The following SPRED2 variants were observed in gnomAD, a reference collection of about 807,000 sequenced individuals.
The protein encoded by SPRED2 is sprouty-related, EVH1 domain-containing protein 2.
Under a neutral mutation model 43.0 loss-of-function variants are expected in SPRED2, and 47 were observed. The ratio of observed to expected loss-of-function variants is 1.09; its 90% CI spans 0.87 to 1.40. The LOEUF (loss-of-function observed/expected upper bound fraction) is 1.40, where lower values mean the gene tolerates loss of function less well. Among genes scored for constraint, SPRED2 ranks in the 40% most tolerant of loss-of-function variants. The pLI is 0.00. For synonymous variants in SPRED2, 225 were observed against 225.7 expected (o/e 1.00, Z 0.03); for missense variants, 561 against 586.4 (o/e 0.96, Z 0.45).
intron 4 of SPRED2, 95 bp downstream of exon 4, chr2:65,331,892 C>T (rs769612237): frequency 1.8e-5 from 16 of 905,746 alleles, no homozygotes; most frequent in African/African-American, 1.0e-4. Flanking sequence ...CAACAGCAAA[C>T]ACTGCATTGC....
At chr2:65,334,846 T>C (rs1673917668) in intron 2 of SPRED2, 73 bp from the exon 3 acceptor site, 7 of 1,529,488 alleles carry the variant, frequency 4.6e-6, no homozygotes, top group African/African-American at 1.4e-5. Flanking sequence ...GAAGTCTAAT[T>C]AGGAACCATC....
intron 1 of SPRED2, among the ~76,000 whole-genome samples, chr2:65,407,698 G>A (rs1013095069): frequency 1.1e-4 from 17 of 152,114 alleles, no homozygotes; most frequent in Non-Finnish European, 2.2e-4. Context: ...CCTTTCACCC[G>A]TGGAGACGCG....
chr2:65,311,835 G>A lies in SPRED2; in HGVS notation c.*1666C>T, dbSNP rs545822332. ...GAGCTGGAAACAGCCCCATGAAGGT[G>A]AGCACAGCTAGCACTTTCCCAATAT... On this transcript the variant is annotated 3_prime_UTR_variant, in exon 6 of 6. Transcript: ENST00000356388. 6 of 985,478 alleles carry A rather than the reference G, an allele frequency of 6.1e-6. No homozygotes were observed. The East Asian group carries it at 3.4e-4, about 56-fold the overall frequency. 61.0% of individuals were successfully genotyped at this position (985,478 alleles called of 1,614,324 possible).
At chr2:65,403,390 C>T (rs10198510) in intron 1 of SPRED2, among the ~76,000 whole-genome samples, 13,300 of 152,182 alleles carry the variant, frequency 0.087, 1,070 homozygotes, top group African/African-American at 0.2. Context: ...CCTCCTGCCT[C>T]GGCCTCCTGA....
intron 2 of SPRED2, among the ~76,000 whole-genome samples, chr2:65,336,632 G>T (rs1175352404): frequency 6.6e-6 from 1 of 152,076 alleles, no homozygotes; most frequent in African/African-American, 2.4e-5. Context: ...AAATAATCAA[G>T]AATTTAACAA....
chr2:65,365,659 C>T (rs1319677339), intron 1 of SPRED2, among the ~76,000 whole-genome samples: 1 of 152,170 alleles, frequency 6.6e-6, no homozygotes. Flanking sequence ...CCATTCTGGA[C>T]AGACAGACCA....
chr2:65,340,187 A>C (rs974442749), intron 2 of SPRED2, among the ~76,000 whole-genome samples: 5 of 152,198 alleles, frequency 3.3e-5, no homozygotes, highest in African/African-American at 4.8e-5. Context: ...GCAAGTTATA[A>C]ATAGCTGTAA....
chr2:65,391,014 G>T (rs1675622795), intron 1 of SPRED2, among the ~76,000 whole-genome samples: 1 of 151,536 alleles, frequency 6.6e-6, no homozygotes, highest in African/African-American at 2.4e-5. Context: ...CTTGAGCCTG[G>T]GAGGCAGAGG....
chr2:65,321,224 A>ATTACCAT (rs1251525924), intron 4 of SPRED2, among the ~76,000 whole-genome samples: 1 of 152,162 alleles, frequency 6.6e-6, no homozygotes, highest in Admixed American at 6.5e-5. Context: ...TGCTGTGGAC[A>ATTACCAT]CTGAGGCTGG....
intron 1 of SPRED2, among the ~76,000 whole-genome samples, chr2:65,368,248 G>T (rs1313530545): frequency 1.3e-5 from 2 of 152,154 alleles, no homozygotes; most frequent in Admixed American, 6.5e-5. Flanking sequence ...GCTCCAAATG[G>T]TTGGGACAGT....
intron 1 of SPRED2, among the ~76,000 whole-genome samples, chr2:65,381,622 TCAGTA>T (rs1312610631): frequency 5.3e-5 from 8 of 152,324 alleles, no homozygotes; most frequent in African/African-American, 1.7e-4. Context: ...CAGCAAAGGT[TCAGTA>T]CATGACAGAC....
intron 1 of SPRED2, among the ~76,000 whole-genome samples, chr2:65,400,342 T>G (rs1675856044): frequency 6.6e-6 from 1 of 152,242 alleles, no homozygotes; most frequent in Non-Finnish European, 1.5e-5. Flanking sequence ...CCCTGTTTAC[T>G]TTTGCTTAGT....
intron 1 of SPRED2, among the ~76,000 whole-genome samples, chr2:65,395,438 C>T (rs566788033): frequency 6.6e-6 from 1 of 152,282 alleles, no homozygotes; most frequent in Admixed American, 6.5e-5. Flanking sequence ...TCTGCCCCAA[C>T]TGAACCCCAC....
chr2:65,363,747 T>C (rs1326829937), intron 1 of SPRED2, among the ~76,000 whole-genome samples: 3 of 152,200 alleles, frequency 2.0e-5, no homozygotes, highest in African/African-American at 7.2e-5. Context: ...CAGGTCTCCC[T>C]CCAAATACAA....
At chr2:65,414,876 A>G (rs1214071080) in intron 1 of SPRED2, among the ~76,000 whole-genome samples, 2 of 152,126 alleles carry the variant, frequency 1.3e-5, no homozygotes, top group African/African-American at 4.8e-5. Context: ...TAAGGATGTA[A>G]AAGCCAGATA....
At chr2:65,366,937 C>A in intron 1 of SPRED2, 1 of 226,704 alleles carries the variant, frequency 4.4e-6, no homozygotes, top group Non-Finnish European at 7.3e-6. Context: ...TTATGATTAC[C>A]AATCATTGAT....
At chr2:65,401,320 C>T (rs1572894775) in intron 1 of SPRED2, among the ~76,000 whole-genome samples, 1 of 152,196 alleles carries the variant, frequency 6.6e-6, no homozygotes, top group East Asian at 1.9e-4. Context: ...GAGATATATA[C>T]ACTTGTTCAG....
At chr2:65,372,017 G>A (rs1206347747) in intron 1 of SPRED2, among the ~76,000 whole-genome samples, 1 of 151,910 alleles carries the variant, frequency 6.6e-6, no homozygotes, top group Admixed American at 6.6e-5. Flanking sequence ...AGGTTGCAGT[G>A]AACAGAGATC....
chr2:65,404,898 T>C (rs1675988456), intron 1 of SPRED2, among the ~76,000 whole-genome samples: 1 of 152,216 alleles, frequency 6.6e-6, no homozygotes, highest in African/African-American at 2.4e-5. Flanking sequence ...TGGGCCCTTT[T>C]ATGATCTAAC....
Sources: allele counts gnomAD v4.1 joint callset (sites outside exome capture counted in the v4.1 genomes callset), GRCh38; gene constraint gnomAD v4.1.1; transcripts MANE v1.5; gene names NCBI Gene and HGNC (gene_info 2026-07-23, HGNC 2026-07-21).